ICE1: variants seen among roughly 807,000 people sequenced by gnomAD.
ICE1 encodes interactor of little elongation complex ELL subunit 1.
In ICE1, 64 loss-of-function variants were observed where a neutral mutation model predicts 192.7. That is an observed-to-expected ratio of 0.33 (90% CI 0.27 to 0.41). The LOEUF (loss-of-function observed/expected upper bound fraction) is 0.41, where lower values mean the gene tolerates loss of function less well. Among genes scored for constraint, ICE1 ranks in the 10% least tolerant of loss-of-function variants. The pLI, the probability that ICE1 is intolerant of heterozygous loss-of-function variation, is 1.00. For missense variants in ICE1, 2,708 were observed against 2,696.0 expected (o/e 1.00, Z -0.10); for synonymous variants, 1,010 against 984.5 (o/e 1.03, Z -0.49).
chr5:5,451,779 T>C (rs1209870234), intron 10 of ICE1, among the ~76,000 whole-genome samples: 1 of 152,166 alleles, frequency 6.6e-6, no homozygotes. Flanking sequence ...ATTAATTTTT[T>C]TGTTTCAGAA....
At position 5,422,757 on chromosome 5, in the gene ICE1, G is replaced by A; in HGVS notation, c.-159G>A. 1 of 395,528 alleles carries A rather than the reference G, an allele frequency of 2.5e-6. No individual in the cohort carries two copies. The highest frequency in any genetic ancestry group is 4.3e-6 in the Non-Finnish European group (1 of 232,142). The allele number at this position is 395,528 out of a possible 1,614,324, so 24.5% of individuals were successfully genotyped here. Reference sequence around the variant, plus strand: ...GCAGCTCTGGCTCGGAGAGCCTTTTGCTAGCCCCACGGGGACCTCTGTGCA... The same window carrying A: ...GCAGCTCTGGCTCGGAGAGCCTTTTACTAGCCCCACGGGGACCTCTGTGCA... On this transcript the variant is annotated 5_prime_UTR_variant, in exon 1 of 19. Transcript: ENST00000296564.
Position 5,489,182 on chromosome 5 carries a change from A to G in ICE1, c.6653A>G (p.Tyr2218Cys), listed in dbSNP as rs371436584. Residue 2218 changes from tyrosine (Y) to cysteine (C), a missense_variant, in exon 19 of 19, where the codon TAT becomes TGT. Tyr to Cys is a radical substitution (Grantham distance 194). This residue lies in a region of ICE1 where 342 missense variants were observed against 419.3 expected (regional missense o/e 0.82). Coordinates refer to ENST00000296564, the MANE Select transcript of ICE1 (RefSeq NM_015325.3). ...TGGGGTATACAGTTAGCAGCCGTGT[A>G]TGCTCTTTGTGACTTGAGTCCCAGC... is the stretch of plus-strand genomic sequence containing the variant. ...IPWGIQLAAV[Y>C]ALCDLSPSNP... The G allele has an allele frequency of 1.1e-5, 18 of 1,613,854 alleles. No homozygotes were observed. The highest frequency in any genetic ancestry group is 1.7e-5 in the Admixed American group (1 of 59,998).
intron 1 of ICE1, 138 bp from the exon 2 acceptor site, chr5:5,436,280 A>G (rs1037072390): frequency 1.3e-5 from 7 of 532,096 alleles, no homozygotes; most frequent in Non-Finnish European, 2.2e-5. Context: ...ATTGTGCTCT[A>G]CACAATATAA....
intron 10 of ICE1, among the ~76,000 whole-genome samples, chr5:5,450,003 G>A (rs1356677170): frequency 1.3e-5 from 2 of 152,206 alleles, no homozygotes; most frequent in Admixed American, 6.5e-5. Flanking sequence ...ATTTACTGCT[G>A]AAGGAATAGC....
In ICE1 at chr5:5,463,761, C is replaced by T; in HGVS notation, c.4427C>T (p.Thr1476Ile). 4 of 1,613,982 alleles carry T rather than the reference C, an allele frequency of 2.5e-6. No individual in the cohort carries two copies. Among genetic ancestry groups the T allele is most frequent in the Non-Finnish European group, 3.4e-6 (4 of 1,179,878 alleles). ...SAEKSPEASH[T>I]GPAFQEAPCG... Reference sequence around the variant, plus strand: ...GAGAAGTCCCCAGAGGCCAGTCACACTGGCCCTGCATTTCAGGAGGCTCCA... The same window carrying T: ...GAGAAGTCCCCAGAGGCCAGTCACATTGGCCCTGCATTTCAGGAGGCTCCA... Residue 1476 changes from threonine to isoleucine, a missense_variant, in exon 13 of 19, where the codon ACT (threonine) becomes ATT (isoleucine). Thr to Ile is a moderately conservative substitution (Grantham distance 89). Transcript: ENST00000296564.
Position 5,463,242 on chromosome 5 carries a change from G to A in ICE1, c.3908G>A (p.Ser1303Asn). 6.2e-7 allele frequency: 1 copy of A among 1,612,404 alleles called. No individual in the cohort carries two copies. The highest frequency in any genetic ancestry group is 8.5e-7 in the Non-Finnish European group (1 of 1,179,432). ...ACCACTGAGAATTTAAAAGAGAAAA[G>A]TCCATTTCGGGAAACGACTGGCTCC... is the stretch of plus-strand genomic sequence containing the variant. ...NMTTENLKEK[S>N]PFRETTGSSS... is the part of the protein sequence containing the mutation. Residue 1303 changes from serine to asparagine, a missense_variant, in exon 13 of 19, where the codon AGT becomes AAT. Around this residue, in one of 2 missense-constraint regions of ICE1, gnomAD observed 2,366 missense variants for 2,276.6 expected, o/e 1.04. Coordinates refer to ENST00000296564, the MANE Select transcript of ICE1 (RefSeq NM_015325.3).
chr5:5,455,884 C>T (rs1179776137), intron 11 of ICE1, among the ~76,000 whole-genome samples: 1 of 152,108 alleles, frequency 6.6e-6, no homozygotes, highest in East Asian at 1.9e-4. Flanking sequence ...CCTTTCTTTC[C>T]AGGATGCAGT....
intron 1 of ICE1, among the ~76,000 whole-genome samples, chr5:5,432,212 T>C (rs1156451656): frequency 6.6e-6 from 1 of 152,224 alleles, no homozygotes; most frequent in Non-Finnish European, 1.5e-5. Flanking sequence ...GTACTCTTCC[T>C]CCAGTCTCTG....
At chr5:5,469,552 G>A (rs751215790) in intron 15 of ICE1, among the ~76,000 whole-genome samples, 3 of 152,032 alleles carry the variant, frequency 2.0e-5, no homozygotes, top group Admixed American at 6.6e-5. Flanking sequence ...TACCGGTAGC[G>A]AACTTCAAGA....
At chr5:5,487,453 A>C (rs1739665605) in intron 18 of ICE1, among the ~76,000 whole-genome samples, 1 of 152,200 alleles carries the variant, frequency 6.6e-6, no homozygotes. Flanking sequence ...AAATGCACAG[A>C]GTTACATTTT....
Position 5,460,772 on chromosome 5 carries a change from C to T in ICE1, c.1438C>T (p.His480Tyr), listed in dbSNP as rs140386293. The T allele has an allele frequency of 9.9e-6, 16 of 1,613,994 alleles. No individual in the cohort carries two copies. The African/African-American group carries it at 1.9e-4, about 19-fold the overall frequency. ...SMSDRKRDIL[H>Y]ETKTQMEVRE... Reference sequence around the variant, plus strand: ...GAGTGATAGAAAAAGAGACATTTTACATGAGACAAAAACACAAATGGAGGT... The same window carrying T: ...GAGTGATAGAAAAAGAGACATTTTATATGAGACAAAAACACAAATGGAGGT... Residue 480 changes from histidine (H) to tyrosine (Y), a missense_variant, in exon 13 of 19, where the codon CAT becomes TAT. His to Tyr is a moderately conservative substitution (Grantham distance 83, BLOSUM62 2). Transcript: ENST00000296564.
chr5:5,446,197 G>C (rs1042615678), intron 7 of ICE1, among the ~76,000 whole-genome samples: 1 of 148,236 alleles, frequency 6.7e-6, no homozygotes, highest in African/African-American at 2.5e-5. Flanking sequence ...GTAGAGATAG[G>C]GTTGCCCAGG....
At chr5:5,445,479 G>C (rs905129114) in intron 7 of ICE1, among the ~76,000 whole-genome samples, 1 of 151,774 alleles carries the variant, frequency 6.6e-6, no homozygotes, top group Non-Finnish European at 1.5e-5. Flanking sequence ...TGTCACTCAG[G>C]CTGGACAGGT....
Position 5,457,711 on chromosome 5 carries a change from C to T in ICE1, c.1071C>T (p.His357=), listed in dbSNP as rs771057320. Residue 357 remains histidine, a synonymous_variant, in exon 12 of 19, where the codon CAC becomes CAT. Coordinates refer to ENST00000296564, the MANE Select transcript of ICE1 (RefSeq NM_015325.3). ...CGCCCCCTCCGATGTCATCACCTCA[C>T]CCGGGTTCCTTACCGTCTTCATTTG... ...VPSPPPMSSP[H]PGSLPSSFAP... 1.2e-6 allele frequency: 2 copies of T among 1,612,932 alleles called. No individual in the cohort carries two copies. The highest frequency in any genetic ancestry group is 1.7e-6 in the Non-Finnish European group (2 of 1,179,174).
chr5:5,424,249 C>G (rs1024845728), intron 1 of ICE1, among the ~76,000 whole-genome samples: 2 of 152,086 alleles, frequency 1.3e-5, no homozygotes, highest in Non-Finnish European at 2.9e-5. Context: ...TATCTGTGAA[C>G]TGATTGCAAA....
chr5:5,485,311 AAAT>A (rs368052270), intron 17 of ICE1, among the ~76,000 whole-genome samples: 177 of 152,330 alleles, frequency 1.2e-3, no homozygotes, highest in African/African-American at 4.0e-3. Flanking sequence ...AACAAACAAA[AAAT>A]AATGAGAATC....
chr5:5,466,770 A>G (rs934726265), intron 14 of ICE1, among the ~76,000 whole-genome samples: 2 of 152,166 alleles, frequency 1.3e-5, no homozygotes, highest in African/African-American at 4.8e-5. Flanking sequence ...TTAGAATTAG[A>G]TATAGTTGCC....
intron 17 of ICE1, among the ~76,000 whole-genome samples, chr5:5,480,249 C>CTTTT (rs574170460): frequency 2.3e-5 from 3 of 129,920 alleles, no homozygotes; most frequent in Non-Finnish European, 3.3e-5. Context: ...TTTTCTTTTT[C>CTTTT]TTTTTTTTTT....
chr5:5,488,276 G>A (rs1579585905), intron 18 of ICE1, among the ~76,000 whole-genome samples: 1 of 152,288 alleles, frequency 6.6e-6, no homozygotes, highest in East Asian at 1.9e-4. Flanking sequence ...AGAAAACTGA[G>A]GTACACATTG....
Sources: gnomAD v4.1 joint callset for allele counts (sites outside exome capture counted in the v4.1 genomes callset) on GRCh38, gnomAD v4.1.1 for gene constraint, gnomAD v4.1.1 regional missense constraint, MANE v1.5 for transcripts, NCBI Gene and HGNC (gene_info 2026-07-23, HGNC 2026-07-21) for gene names.